Variants in MARF1 observed in about 807,000 individuals in gnomAD.
The protein encoded by MARF1 is limkain-b1.
Under a neutral mutation model 168.2 loss-of-function variants are expected in MARF1, and 24 were observed. The observed-to-expected ratio is 0.14, with a 90% CI of 0.10 to 0.20. MARF1 has a LOEUF of 0.20. Ranked by LOEUF, MARF1 falls within the 10% of genes least tolerant of loss-of-function variation. The probability of loss-of-function intolerance (pLI) is 1.00; values close to 1 mark genes in which losing one functional copy is unlikely to be tolerated. For synonymous variants in MARF1, 868 were observed against 822.4 expected (o/e 1.06, Z -0.95); for missense variants, 1,744 against 2,143.6 (o/e 0.81, Z 3.68).
Position 15,596,646 on chromosome 16 carries a change from G to A in MARF1, c.*47C>T. The A allele has an allele frequency of 6.6e-7, 1 of 1,515,420 alleles. No homozygotes were observed. Among genetic ancestry groups the A allele is most frequent in the Non-Finnish European group, 8.9e-7 (1 of 1,128,310 alleles). The allele number at this position is 1,515,420 out of a possible 1,614,324, so 93.9% of individuals were successfully genotyped here. A position where few individuals can be genotyped will look rare whatever the true frequency, so the allele number is the denominator to read the frequency against. ...TTTTTGAAACCCACTTTTGTGTGCA[G>A]AATCAGACAGTGTTTTCCCATCCTA... On this transcript the variant is annotated 3_prime_UTR_variant, in exon 27 of 27. Transcript: ENST00000396368.
intron 11 of MARF1, 93 bp from the exon 12 acceptor site, chr16:15,622,004 G>T: frequency 8.7e-7 from 1 of 1,144,862 alleles, no homozygotes; most frequent in Non-Finnish European, 1.3e-6. Flanking sequence ...CACATTTGTC[G>T]ACTGCAGCGC....
In MARF1 at chr16:15,633,603, T is replaced by A. The variant is rs774373275; in HGVS notation, c.1233+14A>T. ...TCTACTGTAGATTAAAATTATTAAA[T>A]TTTTTTTTTTTACCTGGCAATTATT... On this transcript the variant is annotated intron_variant, in intron 5 of 26. Transcript: ENST00000396368. 20 of 75,606 alleles carry A rather than the reference T, an allele frequency of 2.6e-4. No individual in the cohort carries two copies. The highest frequency in any genetic ancestry group is 3.1e-4 in the Non-Finnish European group (19 of 60,708). 4.7% of individuals were successfully genotyped at this position (75,606 alleles called of 1,614,324 possible). A position where few individuals can be genotyped will look rare whatever the true frequency, so the allele number is the denominator to read the frequency against.
intron 16 of MARF1, among the ~76,000 whole-genome samples, chr16:15,613,277 G>C (rs2033734755): frequency 1.3e-5 from 2 of 152,098 alleles, no homozygotes; most frequent in African/African-American, 4.8e-5. Context: ...AAGGGTGTAA[G>C]GAACAGGTTT....
intron 13 of MARF1, among the ~76,000 whole-genome samples, chr16:15,618,209 G>A (rs1026779891): frequency 1.2e-4 from 18 of 152,282 alleles, no homozygotes; most frequent in African/African-American, 3.9e-4. Context: ...GACAGAACTT[G>A]GCTCATAGTA....
chr16:15,611,230 G>A, intron 18 of MARF1, 122 bp from the exon 19 acceptor site: 1 of 898,030 alleles, frequency 1.1e-6, no homozygotes, highest in South Asian at 1.6e-5. Flanking sequence ...AGGCCGAGGT[G>A]GACGGATCAC....
At chr16:15,632,882 A>C (rs1229295151) in intron 5 of MARF1, among the ~76,000 whole-genome samples, 1 of 152,186 alleles carries the variant, frequency 6.6e-6, no homozygotes, top group African/African-American at 2.4e-5. Context: ...AAGTGATCTT[A>C]AACAAGTTTC....
chr16:15,639,293 T>C lies in MARF1; in HGVS notation c.-58-2A>G. 1 of 1,529,744 alleles carries C rather than the reference T, an allele frequency of 6.5e-7. No homozygotes were observed. Among genetic ancestry groups the C allele is most frequent in the South Asian group, 1.2e-5 (1 of 81,552 alleles). 94.8% of individuals were successfully genotyped at this position (1,529,744 alleles called of 1,614,324 possible). A position where few individuals can be genotyped will look rare whatever the true frequency, so the allele number is the denominator to read the frequency against. ...TTTCTTTTCTTTCATTCTTCCACCC[T>C]GTTAAGAATGAGTAAGATTTCAGTG... On this transcript the variant is annotated splice_acceptor_variant, in intron 1 of 26. Coordinates refer to ENST00000396368, the MANE Select transcript of MARF1 (RefSeq NM_014647.4). LOFTEE classifies it low-confidence loss of function (5UTR_SPLICE).
At chr16:15,616,095 T>C (rs1307790032) in intron 15 of MARF1, 90 bp from the exon 16 acceptor site, 14 of 1,097,528 alleles carry the variant, frequency 1.3e-5, no homozygotes, top group Middle Eastern at 2.4e-4. Context: ...TTTGGTTTAA[T>C]GTATGTGTTA....
intron 2 of MARF1, 91 bp downstream of exon 2, chr16:15,638,999 T>C (rs2035774941): frequency 1.8e-5 from 24 of 1,328,274 alleles, no homozygotes; most frequent in Admixed American, 2.6e-5. Flanking sequence ...GCACAGACTC[T>C]AGGATGAGAG....
intron 13 of MARF1, among the ~76,000 whole-genome samples, chr16:15,617,901 T>A (rs949360603): frequency 6.6e-6 from 1 of 152,140 alleles, no homozygotes; most frequent in Admixed American, 6.6e-5. Context: ...CTCTCAGAAG[T>A]ATATGTGCTT....
At chr16:15,600,284 C>A (rs925304264) in intron 25 of MARF1, 144 bp downstream of exon 25, 2 of 1,115,828 alleles carry the variant, frequency 1.8e-6, no homozygotes, top group Non-Finnish European at 2.6e-6. Flanking sequence ...AACTAAATAC[C>A]AAAACTGCTT....
intron 26 of MARF1, among the ~76,000 whole-genome samples, 195 bp downstream of exon 26, chr16:15,598,659 G>A (rs959678506): frequency 2.6e-5 from 4 of 151,558 alleles, no homozygotes; most frequent in African/African-American, 4.9e-5. Flanking sequence ...CCTGATGCTC[G>A]CCAGGCAACC....
chr16:15,617,307 C>T lies in MARF1; in HGVS notation c.2949G>A (p.Lys983=). 1 of 1,613,618 alleles carries T rather than the reference C, an allele frequency of 6.2e-7. No homozygotes were observed. Among genetic ancestry groups the T allele is most frequent in the Non-Finnish European group, 8.5e-7 (1 of 1,179,556 alleles). ...GAAAACGAACGGCACACCTGAAATC[C>T]TTATTGGAACAATGCTGTCTGCAGA... is the stretch of plus-strand genomic sequence containing the variant. ...EPVCRQHCSN[K]DFSEHEFDPD... Residue 983 remains lysine, a synonymous_variant, in exon 14 of 27, where the codon AAG becomes AAA. Transcript: ENST00000396368.
intron 5 of MARF1, among the ~76,000 whole-genome samples, chr16:15,632,556 G>A (rs1471705353): frequency 6.6e-6 from 1 of 152,192 alleles, no homozygotes; most frequent in Non-Finnish European, 1.5e-5. Flanking sequence ...CTGGGGTGAG[G>A]TGGTAGAGAG....
At chr16:15,637,411 C>T (rs1462853044) in intron 2 of MARF1, among the ~76,000 whole-genome samples, 1 of 152,206 alleles carries the variant, frequency 6.6e-6, no homozygotes, top group Non-Finnish European at 1.5e-5. Flanking sequence ...CTACACTCAC[C>T]TGGGAGCATA....
At chr16:15,635,299 T>C in intron 3 of MARF1, 1 of 388,960 alleles carries the variant, frequency 2.6e-6, no homozygotes, top group Non-Finnish European at 4.6e-6. Context: ...AAAGACAACA[T>C]GCAGTTATCT....
In MARF1 at chr16:15,635,714, T is replaced by C. The variant is rs949932971; in HGVS notation, c.773A>G (p.Asn258Ser). 12 of 1,614,140 alleles carry C rather than the reference T, an allele frequency of 7.4e-6. No homozygotes were observed. The highest frequency in any genetic ancestry group is 9.3e-6 in the Non-Finnish European group (11 of 1,180,032). ...CTTTAAACAAACCGGAGGTACCACA[T>C]TAAGGTGCAAAGAGTTGGTGCACAA... ...PHLCTNSLHLNVVPPVCLKGS... is the reference protein window; with the variant it reads ...PHLCTNSLHLSVVPPVCLKGS... The change falls in exon 3 of 27, where the codon AAT becomes AGT. Residue 258 changes from asparagine to serine, a missense_variant. By Grantham distance (46) the Asn-to-Ser change is conservative (BLOSUM62 1). Transcript: ENST00000396368.
chr16:15,637,600 A>G (rs2035680894), intron 2 of MARF1, among the ~76,000 whole-genome samples: 1 of 152,214 alleles, frequency 6.6e-6, no homozygotes, highest in African/African-American at 2.4e-5. Context: ...CTATGAGTTG[A>G]TCCCCTGAAC....
intron 6 of MARF1, 99 bp from the exon 7 acceptor site, chr16:15,630,603 C>T: frequency 9.1e-7 from 1 of 1,100,412 alleles, no homozygotes; most frequent in South Asian, 2.2e-5. Context: ...AAAGGAAAGG[C>T]TGGACTATAT....
Sources: gnomAD v4.1 joint callset for allele counts (sites outside exome capture counted in the v4.1 genomes callset) on GRCh38, gnomAD v4.1.1 for gene constraint, MANE v1.5 for transcripts, NCBI Gene and HGNC (gene_info 2026-07-23, HGNC 2026-07-21) for gene names.